CTNND2: variants seen among roughly 807,000 people sequenced by gnomAD.
CTNND2 encodes catenin delta-2.
Under a neutral mutation model 144.4 loss-of-function variants are expected in CTNND2, and 22 were observed. That is an observed-to-expected ratio of 0.15 (90% CI 0.11 to 0.22). The LOEUF is 0.22. Ranked by LOEUF, CTNND2 falls within the 10% of genes least tolerant of loss-of-function variation. CTNND2 has a pLI of 1.00. For synonymous variants in CTNND2, 751 were observed against 695.6 expected (o/e 1.08, Z -1.25); for missense variants, 1,353 against 1,618.8 (o/e 0.84, Z 2.82).
At chr5:11,136,261 C>T (rs1756135208) in intron 12 of CTNND2, among the ~76,000 whole-genome samples, 1 of 152,136 alleles carries the variant, frequency 6.6e-6, no homozygotes, top group African/African-American at 2.4e-5. Flanking sequence ...CAGAGACTGC[C>T]AGCCTTTTTA....
intron 1 of CTNND2, among the ~76,000 whole-genome samples, chr5:11,798,626 G>A (rs1791524604): frequency 6.6e-6 from 1 of 152,118 alleles, no homozygotes; most frequent in Non-Finnish European, 1.5e-5. Context: ...TATTATCTGG[G>A]CCTGGTGGTG....
At chr5:11,515,647 T>G (rs1772099273) in intron 3 of CTNND2, among the ~76,000 whole-genome samples, 1 of 152,176 alleles carries the variant, frequency 6.6e-6, no homozygotes, top group Non-Finnish European at 1.5e-5. Flanking sequence ...CACTACAAAG[T>G]ATGCTTTTTA....
At chr5:11,201,483 A>C (rs1737434926) in intron 10 of CTNND2, among the ~76,000 whole-genome samples, 1 of 152,244 alleles carries the variant, frequency 6.6e-6, no homozygotes, top group African/African-American at 2.4e-5. Flanking sequence ...GCTTACAAAC[A>C]AAATAGAGCA....
At chr5:11,739,435 C>T (rs972829986) in intron 1 of CTNND2, among the ~76,000 whole-genome samples, 3 of 152,184 alleles carry the variant, frequency 2.0e-5, no homozygotes, top group Non-Finnish European at 2.9e-5. Context: ...GGAAAGGCAA[C>T]CTTGCCTGCA....
intron 9 of CTNND2, among the ~76,000 whole-genome samples, chr5:11,237,603 C>T (rs1015107072): frequency 4.0e-5 from 6 of 151,488 alleles, no homozygotes; most frequent in Non-Finnish European, 5.9e-5. Context: ...TGGGCTCAAG[C>T]GATCCTCCCA....
At chr5:11,801,910 A>G (rs2126888674) in intron 1 of CTNND2, among the ~76,000 whole-genome samples, 1 of 152,318 alleles carries the variant, frequency 6.6e-6, no homozygotes, top group South Asian at 2.1e-4. Context: ...CATATAAAAA[A>G]TGAAACTACC....
intron 1 of CTNND2, among the ~76,000 whole-genome samples, chr5:11,896,589 T>C (rs1737412203): frequency 6.6e-6 from 1 of 152,280 alleles, no homozygotes; most frequent in Admixed American, 6.5e-5. Flanking sequence ...AAATATATAC[T>C]ATTCTTTTCA....
In CTNND2 at chr5:11,904,011, C is replaced by T; in HGVS notation, c.-158G>A. ...AAGGGATGCTGGCGGGCGGCAGGGGCGAGCGCCGCGGGCGAGAGGCGGCTC... is the reference window on the plus strand; with the variant it reads ...AAGGGATGCTGGCGGGCGGCAGGGGTGAGCGCCGCGGGCGAGAGGCGGCTC... On this transcript the variant is annotated 5_prime_UTR_variant, in exon 1 of 22. Coordinates refer to ENST00000304623, the MANE Select transcript of CTNND2 (RefSeq NM_001332.4). This position sits in a 1 kb window ranked among gnomAD's most constrained non-coding sequence, Gnocchi z 4.2. 1.2e-6 allele frequency: 1 copy of T among 816,516 alleles called. No individual in the cohort carries two copies. Among genetic ancestry groups the T allele is most frequent in the Non-Finnish European group, 1.6e-6 (1 of 618,870 alleles). The allele number at this position is 816,516 out of a possible 1,614,324, so 50.6% of individuals were successfully genotyped here. A position where few individuals can be genotyped will look rare whatever the true frequency, so the allele number is the denominator to read the frequency against.
At chr5:11,770,803 A>G (rs1395527700) in intron 1 of CTNND2, among the ~76,000 whole-genome samples, 1 of 152,098 alleles carries the variant, frequency 6.6e-6, no homozygotes, top group African/African-American at 2.4e-5. Context: ...AAAGAGAGAG[A>G]ATATGTGTGT....
chr5:11,446,818 C>G (rs968233115), intron 3 of CTNND2, among the ~76,000 whole-genome samples: 1 of 152,090 alleles, frequency 6.6e-6, no homozygotes, highest in Non-Finnish European at 1.5e-5. Context: ...GCCACTTGAG[C>G]AAGGGGGCCG....
intron 3 of CTNND2, among the ~76,000 whole-genome samples, chr5:11,431,520 A>G (rs771291773): frequency 1.1e-4 from 17 of 152,200 alleles, no homozygotes; most frequent in Non-Finnish European, 2.4e-4. Context: ...TTAAGAGATC[A>G]ACAGCTGTAG....
intron 9 of CTNND2, among the ~76,000 whole-genome samples, chr5:11,241,885 C>A (rs1247217642): frequency 6.6e-6 from 1 of 151,914 alleles, no homozygotes; most frequent in African/African-American, 2.4e-5. Context: ...AGAACAAATA[C>A]CAGAGGAGGG....
rs1257313064 is a variant in CTNND2, at chr5:11,346,424, C to G, written c.1576G>C (p.Glu526Gln). Residue 526 changes from glutamate to glutamine, a missense_variant, in exon 9 of 22, where the codon GAA becomes CAA. By Grantham distance (29) the Glu-to-Gln change is conservative. This residue lies in a region of CTNND2 where 708 missense variants were observed against 706.4 expected (regional missense o/e 1.00). Coordinates refer to ENST00000304623, the MANE Select transcript of CTNND2 (RefSeq NM_001332.4). ...YSKSGPALPP[E>Q]GTLARSPSID... is the part of the protein sequence containing the mutation. ...GACGGGGACCTGGCCAAGGTGCCTT[C>G]AGGCGGGAGAGCAGGGCCGGATTTG... The G allele has an allele frequency of 6.5e-7, 1 of 1,538,414 alleles. No homozygotes were observed. Among genetic ancestry groups the G allele is most frequent in the East Asian group, 2.5e-5 (1 of 40,336 alleles).
intron 3 of CTNND2, among the ~76,000 whole-genome samples, chr5:11,517,761 C>T (rs1441936939): frequency 6.6e-6 from 1 of 151,486 alleles, no homozygotes; most frequent in Non-Finnish European, 1.5e-5. Flanking sequence ...GCACATTCTG[C>T]CTGTGTATCC....
intron 1 of CTNND2, among the ~76,000 whole-genome samples, chr5:11,784,611 T>G (rs1327676472): frequency 2.0e-5 from 3 of 152,196 alleles, no homozygotes; most frequent in Non-Finnish European, 4.4e-5. Context: ...TTCCAGTTAA[T>G]CAAAAGGAAA....
chr5:11,487,645 T>C (rs1768955081), intron 3 of CTNND2, among the ~76,000 whole-genome samples: 1 of 152,284 alleles, frequency 6.6e-6, no homozygotes, highest in East Asian at 1.9e-4. Context: ...AAAATTAAAT[T>C]ATATATGCTT....
chr5:11,468,198 C>G (rs945769745), intron 3 of CTNND2, among the ~76,000 whole-genome samples: 1 of 152,082 alleles, frequency 6.6e-6, no homozygotes, highest in African/African-American at 2.4e-5. Context: ...TAAGGCAGTC[C>G]CTAGCCCATA....
At chr5:11,701,867 T>C (rs1221477227) in intron 2 of CTNND2, among the ~76,000 whole-genome samples, 3 of 152,128 alleles carry the variant, frequency 2.0e-5, no homozygotes, top group East Asian at 3.8e-4. Flanking sequence ...TATGCTGCAG[T>C]AAAAACAAAC....
intron 11 of CTNND2, among the ~76,000 whole-genome samples, chr5:11,182,058 G>T (rs577800272): frequency 3.2e-4 from 43 of 134,124 alleles, no homozygotes; most frequent in Admixed American, 6.0e-4. Flanking sequence ...GGTGTGTGTG[G>T]GGGGTGTGTG....
Sources: gnomAD v4.1 joint callset for allele counts (sites outside exome capture counted in the v4.1 genomes callset) on GRCh38, gnomAD v4.1.1 for gene constraint, gnomAD v4.1.1 regional missense constraint, Gnocchi (gnomAD v3.1) non-coding constraint, MANE v1.5 for transcripts, NCBI Gene and HGNC (gene_info 2026-07-23, HGNC 2026-07-21) for gene names.